Variants in FAM177B observed in about 807,000 individuals in gnomAD.
FAM177B encodes family with sequence similarity 177 member B, also known as protein FAM177B.
In FAM177B, 16 loss-of-function variants were observed where a neutral mutation model predicts 16.1. That is an observed-to-expected ratio of 0.99 (90% CI 0.67 to 1.51). The LOEUF (loss-of-function observed/expected upper bound fraction) is 1.51. Among genes scored for constraint, FAM177B ranks in the 40% most tolerant of loss-of-function variants. The pLI is 0.00. For missense variants in FAM177B, 178 were observed against 183.7 expected (o/e 0.97, Z 0.18); for synonymous variants, 56 against 59.9 (o/e 0.93, Z 0.30).
At position 222,746,648 on chromosome 1, in the gene FAM177B, G is replaced by A. The variant is rs367930283; in HGVS notation, c.103G>A (p.Glu35Lys). 1.2e-4 allele frequency: 190 copies of A among 1,613,746 alleles called. No homozygotes were observed. The highest frequency in any genetic ancestry group is 1.5e-4 in the Non-Finnish European group (175 of 1,179,670). Residue 35 changes from glutamate (E) to lysine (K), a missense_variant, in exon 3 of 6, where the codon GAA (glutamate) becomes AAA (lysine). Glu to Lys is a moderately conservative substitution (Grantham distance 56). Coordinates refer to ENST00000445590, the MANE Select transcript of FAM177B (RefSeq NM_001394345.1). ...CCATTTTGTTGACGGAGACATCATG[G>A]AAGAATATAGCACAGAGGAGGAGGA... ...IIHFVDGDIM[E>K]EYSTEEEEEE...
At chr1:222,745,705 C>T (rs1160420128) in intron 2 of FAM177B, among the ~76,000 whole-genome samples, 1 of 152,078 alleles carries the variant, frequency 6.6e-6, no homozygotes, top group Non-Finnish European at 1.5e-5. Context: ...GTGGATTACT[C>T]GACATCAGGA....
intron 2 of FAM177B, among the ~76,000 whole-genome samples, chr1:222,741,905 CCTCTCTCT>C (rs71175184): frequency 1.0e-3 from 79 of 77,970 alleles, no homozygotes; most frequent in African/African-American, 1.4e-3. Context: ...TCCCTCCCTC[CCTCTCTCT>C]CTCTCTCTCT....
At chr1:222,737,719 G>A (rs906714280) in intron 1 of FAM177B, among the ~76,000 whole-genome samples, 185 bp from the exon 2 acceptor site, 1 of 152,148 alleles carries the variant, frequency 6.6e-6, no homozygotes, top group Non-Finnish European at 1.5e-5. Flanking sequence ...ACATGACATG[G>A]TCTCACTTAG....
intron 2 of FAM177B, chr1:222,742,634 T>C (rs552217647): frequency 1.6e-4 from 25 of 152,334 alleles, no homozygotes; most frequent in African/African-American, 5.8e-4. Flanking sequence ...TGGATAATTT[T>C]TGTTTGATTA....
chr1:222,749,608 T>C, intron 5 of FAM177B, 46 bp downstream of exon 5: 1 of 1,173,330 alleles, frequency 8.5e-7, no homozygotes, highest in Non-Finnish European at 1.2e-6. Flanking sequence ...ATGGGAATAT[T>C]GGTTGCTCCA....
intron 2 of FAM177B, 98 bp downstream of exon 2, chr1:222,738,119 A>G (rs906917610): frequency 6.6e-6 from 1 of 152,174 alleles, no homozygotes; most frequent in Non-Finnish European, 1.5e-5. Flanking sequence ...GATGTCCATT[A>G]GACAACTAAG....
intron 4 of FAM177B, chr1:222,749,222 A>ATT (rs1381514330): frequency 4.3e-6 from 2 of 462,894 alleles, no homozygotes; most frequent in African/African-American, 4.0e-5. Context: ...CCTGATATAT[A>ATT]CATCTGGAAA....
At chr1:222,743,880 C>T (rs1457741035) in intron 2 of FAM177B, among the ~76,000 whole-genome samples, 1 of 152,086 alleles carries the variant, frequency 6.6e-6, no homozygotes, top group African/African-American at 2.4e-5. Context: ...AGCTCCAAGG[C>T]CTATATCTGG....
At chr1:222,746,987 A>T in intron 3 of FAM177B, 28 bp from the exon 4 acceptor site, 1 of 1,457,536 alleles carries the variant, frequency 6.9e-7, no homozygotes, top group Non-Finnish European at 9.6e-7. Context: ...CTTATTAACT[A>T]CTCTATCTCA....
intron 2 of FAM177B, among the ~76,000 whole-genome samples, chr1:222,743,628 C>T (rs1302243816): frequency 2.0e-5 from 3 of 152,138 alleles, no homozygotes; most frequent in Non-Finnish European, 4.4e-5. Context: ...GGGCCACACA[C>T]CAGCATGTGG....
intron 2 of FAM177B, among the ~76,000 whole-genome samples, chr1:222,745,216 A>G (rs992814981): frequency 1.3e-5 from 2 of 152,222 alleles, no homozygotes; most frequent in Non-Finnish European, 2.9e-5. Context: ...AGTGTTCACA[A>G]ATAAAACTGC....
intron 2 of FAM177B, among the ~76,000 whole-genome samples, chr1:222,741,828 TTC>T (rs1658554638): frequency 6.7e-6 from 1 of 149,298 alleles, no homozygotes; most frequent in African/African-American, 2.5e-5. Context: ...TCTTTCTTTT[TTC>T]TTTCTTTCTT....
At chr1:222,748,119 C>G (rs576359138) in intron 4 of FAM177B, among the ~76,000 whole-genome samples, 10 of 152,140 alleles carry the variant, frequency 6.6e-5, no homozygotes, top group Middle Eastern at 6.8e-3. Flanking sequence ...TATGAACCTT[C>G]AAGAAATAAG....
chr1:222,739,860 T>C (rs761013938), intron 2 of FAM177B: 17 of 152,340 alleles, frequency 1.1e-4, no homozygotes, highest in Non-Finnish European at 2.1e-4. Flanking sequence ...AATGTTTTAT[T>C]TTGCTTGTTG....
intron 5 of FAM177B, 119 bp downstream of exon 5, chr1:222,749,681 G>T: frequency 1.4e-6 from 1 of 731,980 alleles, no homozygotes; most frequent in Non-Finnish European, 2.3e-6. Context: ...ATTTCACCAA[G>T]CTCCCATAGT....
Position 222,750,354 on chromosome 1 carries a change from A to G in FAM177B, c.*296A>G. 1 of 1,115,512 alleles carries G rather than the reference A, an allele frequency of 9.0e-7. No homozygotes were observed. Among genetic ancestry groups the G allele is most frequent in the South Asian group, 3.5e-5 (1 of 28,652 alleles). 69.1% of individuals were successfully genotyped at this position (1,115,512 alleles called of 1,614,324 possible). The stretch of plus-strand genomic sequence containing the variant: ...GTCCCATGAGTACTGACATTTGCAC[A>G]GTAGCATAAATGCCTTAAGGAACTT... On this transcript the variant is annotated 3_prime_UTR_variant, in exon 6 of 6. Coordinates refer to ENST00000445590, the MANE Select transcript of FAM177B (RefSeq NM_001394345.1).
rs1341819405 is a variant in FAM177B, at chr1:222,750,380, T to A, written c.*322T>A. 9.5e-7 allele frequency: 1 copy of A among 1,053,870 alleles called. No homozygotes were observed. The highest frequency in any genetic ancestry group is 1.1e-6 in the Non-Finnish European group (1 of 875,602). 65.3% of individuals were successfully genotyped at this position (1,053,870 alleles called of 1,614,324 possible). A position where few individuals can be genotyped will look rare whatever the true frequency, so the allele number is the denominator to read the frequency against. On this transcript the variant is annotated 3_prime_UTR_variant, in exon 6 of 6. Coordinates refer to ENST00000445590, the MANE Select transcript of FAM177B (RefSeq NM_001394345.1). ...GTAGCATAAATGCCTTAAGGAACTT[T>A]GGGACTGGGAGTTTTTGGCTGAAAT... is the stretch of plus-strand genomic sequence containing the variant.
chr1:222,745,516 T>C (rs1431200873), intron 2 of FAM177B, among the ~76,000 whole-genome samples: 4 of 152,098 alleles, frequency 2.6e-5, no homozygotes, highest in Admixed American at 1.3e-4. Context: ...ACTCAGGTGG[T>C]TGAGGCGGGA....
intron 2 of FAM177B, among the ~76,000 whole-genome samples, chr1:222,743,013 T>A (rs1275490616): frequency 6.6e-6 from 1 of 152,210 alleles, no homozygotes; most frequent in Non-Finnish European, 1.5e-5. Flanking sequence ...GTCCTATCAT[T>A]CCTAATTCTC....
Sources: gnomAD v4.1 joint callset for allele counts (sites outside exome capture counted in the v4.1 genomes callset) on GRCh38, gnomAD v4.1.1 for gene constraint, MANE v1.5 for transcripts, NCBI Gene and HGNC (gene_info 2026-07-23, HGNC 2026-07-21) for gene names.